The following CTNND2 variants were observed in gnomAD, a reference collection of about 807,000 sequenced individuals.
CTNND2 encodes the protein catenin delta-2.
Under a neutral mutation model 144.4 loss-of-function variants are expected in CTNND2, and 22 were observed. That is an observed-to-expected ratio of 0.15 (90% CI 0.11 to 0.22). The LOEUF (loss-of-function observed/expected upper bound fraction) is 0.22. Ranked by LOEUF, CTNND2 falls within the 10% of genes least tolerant of loss-of-function variation. The probability of loss-of-function intolerance (pLI) is 1.00; values close to 1 mark genes in which losing one functional copy is unlikely to be tolerated. For missense variants in CTNND2, 1,353 were observed against 1,618.8 expected (o/e 0.84, Z 2.82); for synonymous variants, 751 against 695.6 (o/e 1.08, Z -1.25).
At chr5:11,133,708 T>C (rs955009354) in intron 12 of CTNND2, among the ~76,000 whole-genome samples, 2 of 152,218 alleles carry the variant, frequency 1.3e-5, no homozygotes, top group Admixed American at 6.5e-5. Flanking sequence ...AAGCAGGAGT[T>C]ATTTCTGTAA....
chr5:11,287,490 T>C (rs901163893), intron 9 of CTNND2, among the ~76,000 whole-genome samples: 1 of 152,210 alleles, frequency 6.6e-6, no homozygotes, highest in East Asian at 1.9e-4. Context: ...TTGTGTTTCT[T>C]TGGAGAACAC....
intron 1 of CTNND2, among the ~76,000 whole-genome samples, chr5:11,838,173 A>G (rs1303192866): frequency 6.6e-6 from 1 of 152,130 alleles, no homozygotes; most frequent in Non-Finnish European, 1.5e-5. Flanking sequence ...GGACTCTGAG[A>G]TGTTTCTCTC....
rs973598469 is a variant in CTNND2 at position 11,230,061 on chromosome 5, G to T, written c.1761+6630C>A. ...TGAAGAAAGGATTCATTAAAAATCCGCAAAAGGGACATGGATGAAATTGGA... is the reference window on the plus strand; with the variant it reads ...TGAAGAAAGGATTCATTAAAAATCCTCAAAAGGGACATGGATGAAATTGGA... On this transcript the variant is annotated intron_variant, in intron 10 of 21. Transcript: ENST00000304623. Among the ~76,000 whole-genome samples, 6 of 151,864 alleles carry T rather than the reference G, an allele frequency of 4.0e-5. No homozygotes were observed. In the South Asian group the frequency reaches 8.4e-4, roughly 21 times the overall value.
chr5:11,559,886 C>T (rs560173022), intron 3 of CTNND2, among the ~76,000 whole-genome samples: 1 of 152,320 alleles, frequency 6.6e-6, no homozygotes, highest in Admixed American at 6.5e-5. Context: ...CTCAGCAAAG[C>T]CCTGAGACTA....
chr5:11,038,181 G>A (rs1414140223), intron 16 of CTNND2, among the ~76,000 whole-genome samples: 1 of 152,168 alleles, frequency 6.6e-6, no homozygotes, highest in Non-Finnish European at 1.5e-5. Flanking sequence ...TTCATGTTGT[G>A]TAGCTTAGGG....
chr5:11,551,280 C>T lies in CTNND2; in HGVS notation c.287+13664G>A, dbSNP rs1251001685. Among the ~76,000 whole-genome samples the T allele has an allele frequency of 2.6e-5, 4 of 152,154 alleles. No homozygotes were observed. In the South Asian group the frequency reaches 8.3e-4, roughly 32 times the overall value. ...GACTGTTCTTTCCCTCTGAGCAATG[C>T]CTTTACCCCATTTCTTTCCCTGCCA... On this transcript the variant is annotated intron_variant, in intron 3 of 21. Transcript: ENST00000304623.
At chr5:11,205,983 T>C (rs1212492912) in intron 10 of CTNND2, among the ~76,000 whole-genome samples, 1 of 152,172 alleles carries the variant, frequency 6.6e-6, no homozygotes, top group Non-Finnish European at 1.5e-5. Flanking sequence ...ACCTCATAGG[T>C]TGTTTTCAGG....
intron 1 of CTNND2, among the ~76,000 whole-genome samples, chr5:11,800,038 G>A (rs771435423): frequency 6.6e-6 from 1 of 152,128 alleles, no homozygotes; most frequent in Non-Finnish European, 1.5e-5. Flanking sequence ...CTAAGGAACT[G>A]AATTCATTTC....
At chr5:11,216,228 A>C (rs1580612333) in intron 10 of CTNND2, among the ~76,000 whole-genome samples, 1 of 152,108 alleles carries the variant, frequency 6.6e-6, no homozygotes, top group African/African-American at 2.4e-5. Context: ...ATGCCCCCCC[A>C]CCGCCACCCT....
intron 14 of CTNND2, among the ~76,000 whole-genome samples, chr5:11,103,867 A>T (rs1308169247): frequency 1.3e-5 from 2 of 152,236 alleles, no homozygotes; most frequent in African/African-American, 4.8e-5. Context: ...TCTGTGAGCC[A>T]TCCTGCAACT....
At chr5:11,456,656 C>T (rs1410510160) in intron 3 of CTNND2, among the ~76,000 whole-genome samples, 1 of 151,916 alleles carries the variant, frequency 6.6e-6, no homozygotes, top group Admixed American at 6.6e-5. Flanking sequence ...GGAACTATCA[C>T]CTTATTTGGT....
Position 11,364,771 on chromosome 5 carries a change from G to T in CTNND2, c.1297C>A (p.Pro433Thr). ...TGGCTCTGGCTGAGACTCCTCATAG[G>T]GGGCTTCTGATAGACGCGGTCTTCA... ...IYEDRVYQKPPMRSLSQSQGD... is the reference protein window; with the variant it reads ...IYEDRVYQKPTMRSLSQSQGD... Residue 433 changes from proline (P) to threonine (T), a missense_variant, in exon 8 of 22, where the codon CCT (proline) becomes ACT (threonine). Transcript: ENST00000304623. 1 of 1,613,918 alleles carries T rather than the reference G, an allele frequency of 6.2e-7. No homozygotes were observed.
At chr5:11,359,423 C>T (rs1055480122) in intron 8 of CTNND2, among the ~76,000 whole-genome samples, 3 of 152,158 alleles carry the variant, frequency 2.0e-5, no homozygotes, top group South Asian at 4.1e-4. Flanking sequence ...TGTTATACTA[C>T]CCGCCTCCCC....
At chr5:11,672,536 C>G (rs1222466529) in intron 2 of CTNND2, among the ~76,000 whole-genome samples, 2 of 152,174 alleles carry the variant, frequency 1.3e-5, no homozygotes, top group African/African-American at 4.8e-5. Context: ...GAGGGCTCCA[C>G]CTGGTTCAAA....
At chr5:11,446,446 T>C (rs1764808577) in intron 3 of CTNND2, among the ~76,000 whole-genome samples, 1 of 152,188 alleles carries the variant, frequency 6.6e-6, no homozygotes. Context: ...GGTAGGGCTG[T>C]TGTACATCAC....
intron 10 of CTNND2, among the ~76,000 whole-genome samples, chr5:11,202,497 T>G (rs1433209966): frequency 6.6e-6 from 1 of 152,226 alleles, no homozygotes; most frequent in African/African-American, 2.4e-5. Flanking sequence ...ATATTAAAAC[T>G]TGTTTTCTTG....
At chr5:11,494,759 A>G (rs1769776524) in intron 3 of CTNND2, among the ~76,000 whole-genome samples, 1 of 152,218 alleles carries the variant, frequency 6.6e-6, no homozygotes, top group Non-Finnish European at 1.5e-5. Flanking sequence ...CCACTTCAGA[A>G]ATGGAGAAAT....
chr5:11,472,773 A>G (rs1767349853), intron 3 of CTNND2, among the ~76,000 whole-genome samples: 1 of 152,250 alleles, frequency 6.6e-6, no homozygotes, highest in Non-Finnish European at 1.5e-5. Flanking sequence ...AAAAAGATGT[A>G]TAATATGACG....
intron 1 of CTNND2, among the ~76,000 whole-genome samples, chr5:11,807,996 A>G (rs1353013145): frequency 6.6e-6 from 1 of 152,178 alleles, no homozygotes; most frequent in Non-Finnish European, 1.5e-5. Flanking sequence ...GTGGCTCCCT[A>G]CAATAGAACT....
Sources: allele counts gnomAD v4.1 joint callset (sites outside exome capture counted in the v4.1 genomes callset), GRCh38; gene constraint gnomAD v4.1.1; transcripts MANE v1.5; gene names NCBI Gene and HGNC (gene_info 2026-07-23, HGNC 2026-07-21).